FRMD3: variants seen among roughly 807,000 people sequenced by gnomAD.
FRMD3 encodes the protein FERM domain containing 3.
In FRMD3, 33 loss-of-function variants were observed where a neutral mutation model predicts 70.2. That is an observed-to-expected ratio of 0.47 (90% confidence interval 0.36 to 0.63). The LOEUF is 0.63. Among genes scored for constraint, FRMD3 ranks in the 20% least tolerant of loss-of-function variants. The pLI is 0.00. For missense variants in FRMD3, 632 were observed against 711.4 expected (o/e 0.89, Z 1.27); for synonymous variants, 279 against 255.9 (o/e 1.09, Z -0.86).
intron 8 of FRMD3, 64 bp from the exon 9 acceptor site, chr9:83,310,612 TC>T: frequency 7.8e-7 from 1 of 1,279,862 alleles, no homozygotes; most frequent in African/African-American, 1.5e-5. Context: ...TACCTGGGTT[TC>T]CCATAGGAAT....
intron 1 of FRMD3, among the ~76,000 whole-genome samples, chr9:83,492,565 G>A (rs1454505520): frequency 2.0e-5 from 3 of 152,196 alleles, no homozygotes; most frequent in Admixed American, 1.3e-4. Context: ...GAGCAGGACT[G>A]CAGCCCCTTT....
intron 1 of FRMD3, among the ~76,000 whole-genome samples, chr9:83,520,253 T>G (rs1829542416): frequency 6.6e-6 from 1 of 152,200 alleles, no homozygotes; most frequent in Non-Finnish European, 1.5e-5. Context: ...CTGAGAAACA[T>G]GCAGGCATTG....
chr9:83,314,401 T>C (rs1355709431), intron 6 of FRMD3, among the ~76,000 whole-genome samples: 2 of 152,242 alleles, frequency 1.3e-5, no homozygotes, highest in Non-Finnish European at 2.9e-5. Flanking sequence ...TGACTAATAT[T>C]AATATCCTAC....
chr9:83,584,348 C>A, the FRMD3 span, among the ~76,000 whole-genome samples: 1 of 151,776 alleles, frequency 6.6e-6, no homozygotes, highest in African/African-American at 2.4e-5. Context: ...AGTCTCTTAA[C>A]CTCCCCCGAT....
chr9:83,458,828 A>G (rs1177702847), intron 1 of FRMD3, among the ~76,000 whole-genome samples: 1 of 152,214 alleles, frequency 6.6e-6, no homozygotes, highest in Non-Finnish European at 1.5e-5. Context: ...ACTAAATGAA[A>G]AAAGGGACTT....
At chr9:83,460,513 C>T (rs577660514) in intron 1 of FRMD3, among the ~76,000 whole-genome samples, 34 of 152,262 alleles carry the variant, frequency 2.2e-4, no homozygotes, top group South Asian at 6.2e-4. Flanking sequence ...GTTAATGTGT[C>T]GGGGGTACAG....
intron 3 of FRMD3, among the ~76,000 whole-genome samples, chr9:83,360,039 G>A (rs1824533353): frequency 6.6e-6 from 1 of 152,204 alleles, no homozygotes; most frequent in Non-Finnish European, 1.5e-5. Context: ...GAGGAGTGAG[G>A]AAGAAGTGGG....
chr9:83,476,427 T>A (rs1001480830), intron 1 of FRMD3, among the ~76,000 whole-genome samples: 44 of 151,478 alleles, frequency 2.9e-4, no homozygotes, highest in African/African-American at 1.0e-3. Context: ...CCTCACTGGC[T>A]TAAAGAATGG....
intron 1 of FRMD3, among the ~76,000 whole-genome samples, chr9:83,480,823 T>G (rs1391510222): frequency 6.6e-6 from 1 of 152,220 alleles, no homozygotes; most frequent in African/African-American, 2.4e-5. Context: ...GCATAGGTTA[T>G]ATGCAGATAC....
chr9:83,481,927 C>G (rs960979341), intron 1 of FRMD3, among the ~76,000 whole-genome samples: 1 of 146,586 alleles, frequency 6.8e-6, no homozygotes, highest in African/African-American at 2.6e-5. Context: ...AACATCCTAC[C>G]TACAAAGTAC....
intron 6 of FRMD3, among the ~76,000 whole-genome samples, chr9:83,319,865 G>T (rs1000128851): frequency 6.6e-6 from 1 of 152,156 alleles, no homozygotes; most frequent in African/African-American, 2.4e-5. Flanking sequence ...TAATTGTGAG[G>T]CCTCCCAAGC....
rs541651166 is a variant in FRMD3, at chr9:83,525,076, T to G, written c.147+13009A>C. On this transcript the variant is annotated intron_variant, in intron 1 of 13. Coordinates refer to ENST00000304195, the MANE Select transcript of FRMD3 (RefSeq NM_174938.6). ...GACTGCTTGATTTTTATCATTATAT[T>G]CATTAGTAAATAATATTGTGTTTGA... Among the ~76,000 whole-genome samples the G allele has an allele frequency of 3.9e-5, 6 of 152,336 alleles. No homozygotes were observed. The South Asian group carries it at 1.2e-3, about 32-fold the overall frequency.
intron 1 of FRMD3, among the ~76,000 whole-genome samples, chr9:83,446,401 A>G (rs1049757913): frequency 6.6e-6 from 1 of 151,738 alleles, no homozygotes; most frequent in Admixed American, 6.6e-5. Context: ...TAATCCCAGC[A>G]CTTTCGGAGG....
At chr9:83,370,136 G>C (rs1824922774) in intron 3 of FRMD3, among the ~76,000 whole-genome samples, 1 of 152,150 alleles carries the variant, frequency 6.6e-6, no homozygotes, top group South Asian at 2.1e-4. Flanking sequence ...GAATTCTGCA[G>C]CCATTGCCTA....
intron 3 of FRMD3, among the ~76,000 whole-genome samples, 159 bp downstream of exon 3, chr9:83,372,754 G>C (rs541117656): frequency 4.6e-4 from 70 of 152,204 alleles, no homozygotes; most frequent in African/African-American, 1.5e-3. Flanking sequence ...TAGAAAAAGA[G>C]GGGAGAAAAT....
intron 1 of FRMD3, among the ~76,000 whole-genome samples, chr9:83,513,876 C>G (rs1467337928): frequency 6.6e-6 from 1 of 152,180 alleles, no homozygotes; most frequent in Non-Finnish European, 1.5e-5. Context: ...GAACTCCCTC[C>G]CCTAGCCAAG....
intron 12 of FRMD3, among the ~76,000 whole-genome samples, chr9:83,291,835 T>C (rs978953884): frequency 2.0e-5 from 3 of 152,136 alleles, no homozygotes; most frequent in Admixed American, 1.3e-4. Context: ...CTGGTCAGAG[T>C]GTTCCCTAGA....
chr9:83,351,654 T>G (rs1266687137), intron 3 of FRMD3, among the ~76,000 whole-genome samples: 2 of 151,432 alleles, frequency 1.3e-5, no homozygotes, highest in African/African-American at 2.4e-5. Flanking sequence ...TAGAGATAGA[T>G]AGAGATAGGT....
At chr9:83,264,228 A>G (rs768012821) in intron 13 of FRMD3, among the ~76,000 whole-genome samples, 1 of 152,368 alleles carries the variant, frequency 6.6e-6, no homozygotes, top group Middle Eastern at 3.4e-3. Context: ...TGCATATTGT[A>G]TGATTCCAAC....
Sources: allele counts gnomAD v4.1 joint callset (sites outside exome capture counted in the v4.1 genomes callset), GRCh38; gene constraint gnomAD v4.1.1; transcripts MANE v1.5; gene names NCBI Gene and HGNC (gene_info 2026-07-23, HGNC 2026-07-21).